The following NAA11 variants were observed in gnomAD, a reference collection of about 807,000 sequenced individuals.
The protein encoded by NAA11 is N-alpha-acetyltransferase 11.
A neutral mutation model predicts 16.1 loss-of-function variants in NAA11; 15 were observed. The ratio of observed to expected loss-of-function variants is 0.93; its 90% CI spans 0.62 to 1.44. NAA11 has a LOEUF of 1.44. Among genes scored for constraint, NAA11 ranks in the 40% most tolerant of loss-of-function variants. The pLI, the probability that NAA11 is intolerant of heterozygous loss-of-function variation, is 0.00. For missense variants in NAA11, 298 were observed against 291.3 expected, an observed-to-expected ratio of 1.02 and a Z score of -0.17; for synonymous variants, 122 against 112.4, an observed-to-expected ratio of 1.09 and a Z score of -0.54.
the NAA11 span, among the ~76,000 whole-genome samples, chr4:79,214,887 A>G: frequency 1.3e-5 from 2 of 152,208 alleles, no homozygotes; most frequent in Non-Finnish European, 2.9e-5. Context: ...CCAGGGAATG[A>G]CACAGCAAGA....
the NAA11 span, among the ~76,000 whole-genome samples, chr4:79,201,861 CA>C: frequency 1.3e-5 from 2 of 151,386 alleles, no homozygotes; most frequent in Non-Finnish European, 3.0e-5. Context: ...GTAAAGTTAT[CA>C]AAAAAATAAC....
At chr4:79,176,434 C>G in the NAA11 span, among the ~76,000 whole-genome samples, 7 of 152,036 alleles carry the variant, frequency 4.6e-5, no homozygotes, top group Non-Finnish European at 1.0e-4. Flanking sequence ...ATCTGATGGG[C>G]GAGGCTGGCA....
At chr4:79,309,576 G>GT (rs1181170115) in intron 1 of NAA11, among the ~76,000 whole-genome samples, 1 of 151,472 alleles carries the variant, frequency 6.6e-6, no homozygotes, top group African/African-American at 2.4e-5. Context: ...GAAGATATTT[G>GT]TTTTTTTAGA....
At chr4:79,302,293 G>A (rs1011510266) in intron 1 of NAA11, among the ~76,000 whole-genome samples, 8 of 152,076 alleles carry the variant, frequency 5.3e-5, no homozygotes, top group African/African-American at 1.9e-4. Context: ...CTTCCCAAAT[G>A]TATTGGTATT....
At chr4:79,257,123 G>A (rs928918691) in intron 2 of NAA11, among the ~76,000 whole-genome samples, 1 of 152,034 alleles carries the variant, frequency 6.6e-6, no homozygotes, top group Non-Finnish European at 1.5e-5. Context: ...AATCTGTTGT[G>A]TTCTTTTGCA....
intron 2 of NAA11, among the ~76,000 whole-genome samples, chr4:79,287,237 A>G (rs1219470531): frequency 3.3e-5 from 5 of 152,154 alleles, no homozygotes; most frequent in African/African-American, 9.7e-5. Context: ...CACATATGTC[A>G]TATTAGGACA....
intron 1 of NAA11, among the ~76,000 whole-genome samples, chr4:79,310,460 T>G (rs913113214): frequency 3.9e-5 from 6 of 152,204 alleles, no homozygotes; most frequent in Non-Finnish European, 7.3e-5. Flanking sequence ...TTAGAATTGC[T>G]GAAGATATAG....
intron 1 of NAA11, among the ~76,000 whole-genome samples, chr4:79,323,524 A>C (rs1472711510): frequency 1.3e-5 from 2 of 152,096 alleles, no homozygotes; most frequent in Non-Finnish European, 2.9e-5. Context: ...GTCTCTACTA[A>C]AAATACAAAA....
the NAA11 span, among the ~76,000 whole-genome samples, chr4:79,169,935 G>A: frequency 6.6e-6 from 1 of 152,168 alleles, no homozygotes; most frequent in Non-Finnish European, 1.5e-5. Context: ...GTCGTTTATA[G>A]CAAACGTGGC....
chr4:79,244,395 A>G (rs1484934915), intron 2 of NAA11, among the ~76,000 whole-genome samples: 1 of 152,066 alleles, frequency 6.6e-6, no homozygotes, highest in African/African-American at 2.4e-5. Flanking sequence ...CCAATTTTTC[A>G]TTTAGTACTT....
the NAA11 span, among the ~76,000 whole-genome samples, chr4:79,157,346 T>C: frequency 7.6e-3 from 1,150 of 152,216 alleles, 17 homozygotes; most frequent in African/African-American, 0.026. Flanking sequence ...AGTGAGAACA[T>C]ATAATGTTTG....
chr4:79,232,698 T>C (rs983111234), intron 2 of NAA11, among the ~76,000 whole-genome samples: 1 of 151,992 alleles, frequency 6.6e-6, no homozygotes, highest in African/African-American at 2.4e-5. Flanking sequence ...TCATGAGGGA[T>C]AACATCTGTT....
chr4:79,246,402 A>AAGAAAG (rs79997236), intron 2 of NAA11, among the ~76,000 whole-genome samples: 2 of 34,644 alleles, frequency 5.8e-5, no homozygotes, highest in African/African-American at 1.0e-4. Context: ...AAAAAAAAGA[A>AAGAAAG]AAAATAAGAA....
the NAA11 span, among the ~76,000 whole-genome samples, chr4:79,176,872 T>G: frequency 6.6e-6 from 1 of 152,302 alleles, no homozygotes; most frequent in Non-Finnish European, 1.5e-5. Context: ...TTTTAAATTG[T>G]AGCTGTGGAC....
chr4:79,280,336 C>T (rs866409652), intron 2 of NAA11, among the ~76,000 whole-genome samples: 28 of 152,136 alleles, frequency 1.8e-4, no homozygotes, highest in Middle Eastern at 6.8e-3. Flanking sequence ...AAAGAGTGGG[C>T]ATGCAGCCCG....
chr4:79,290,391 G>A (rs552095370), intron 2 of NAA11, among the ~76,000 whole-genome samples: 1 of 152,260 alleles, frequency 6.6e-6, no homozygotes, highest in South Asian at 2.1e-4. Context: ...GTCCTGTTGT[G>A]GCATTCCAAA....
At chr4:79,155,469 G>T in the NAA11 span, among the ~76,000 whole-genome samples, 1 of 152,118 alleles carries the variant, frequency 6.6e-6, no homozygotes, top group Non-Finnish European at 1.5e-5. Flanking sequence ...ATGCCTAATT[G>T]CATTCTATGC....
the NAA11 span, among the ~76,000 whole-genome samples, chr4:79,171,117 G>A: frequency 1.3e-5 from 2 of 152,166 alleles, no homozygotes; most frequent in Admixed American, 6.6e-5. Flanking sequence ...TGGTTTGAAT[G>A]TGTCTCCAAA....
chr4:79,217,117 A>T, the NAA11 span, among the ~76,000 whole-genome samples: 3 of 152,194 alleles, frequency 2.0e-5, no homozygotes, highest in African/African-American at 7.2e-5. Context: ...CTCATTAGAC[A>T]TATTGTAAAT....
Sources: allele counts gnomAD v4.1 joint callset (sites outside exome capture counted in the v4.1 genomes callset), GRCh38; gene constraint gnomAD v4.1.1; transcripts MANE v1.5; gene names NCBI Gene and HGNC (gene_info 2026-07-23, HGNC 2026-07-21).